The following KCNJ1 variants were observed in gnomAD, a reference collection of about 807,000 sequenced individuals.
The protein encoded by KCNJ1 is ATP-sensitive inward rectifier potassium channel 1.
In KCNJ1, 24 loss-of-function variants were observed where a neutral mutation model predicts 21.9. The ratio of observed to expected loss-of-function variants is 1.10; its 90% CI spans 0.79 to 1.54. The LOEUF (loss-of-function observed/expected upper bound fraction) is 1.54. KCNJ1 is among the 40% of genes most tolerant of loss of function. The probability of loss-of-function intolerance (pLI) is 0.00; values close to 1 mark genes in which losing one functional copy is unlikely to be tolerated. For synonymous variants in KCNJ1, 152 were observed against 160.9 expected (o/e 0.94, Z 0.42); for missense variants, 457 against 455.4 (o/e 1.00, Z -0.03).
chr11:128,847,116 C>A (rs1413082288), intron 2 of KCNJ1, among the ~76,000 whole-genome samples: 2 of 152,184 alleles, frequency 1.3e-5, no homozygotes, highest in African/African-American at 2.4e-5. Context: ...ATAGAATCAT[C>A]ACTACTCCCT....
chr11:128,850,452 A>G (rs1275638693), intron 2 of KCNJ1, among the ~76,000 whole-genome samples: 2 of 152,238 alleles, frequency 1.3e-5, no homozygotes, highest in African/African-American at 2.4e-5. Context: ...CAGAGGCTCA[A>G]CAGGTATCTG....
At chr11:128,853,960 G>A (rs1383092943) in intron 1 of KCNJ1, among the ~76,000 whole-genome samples, 2 of 152,248 alleles carry the variant, frequency 1.3e-5, no homozygotes, top group Admixed American at 1.3e-4. Flanking sequence ...TTCTCCCAGG[G>A]TCTGCAGGAG....
At chr11:128,862,376 T>C (rs910386407) in intron 1 of KCNJ1, among the ~76,000 whole-genome samples, 1 of 152,052 alleles carries the variant, frequency 6.6e-6, no homozygotes, top group Admixed American at 6.5e-5. Context: ...AGGAGACCCA[T>C]GTTGGAAAGG....
intron 2 of KCNJ1, among the ~76,000 whole-genome samples, chr11:128,841,664 T>A (rs913493828): frequency 2.0e-5 from 3 of 152,214 alleles, no homozygotes; most frequent in Non-Finnish European, 4.4e-5. Flanking sequence ...CGAAACCAAC[T>A]GAGTGATACA....
At chr11:128,866,501 A>G (rs1321005486) in intron 1 of KCNJ1, 2 of 940,772 alleles carry the variant, frequency 2.1e-6, no homozygotes, top group African/African-American at 3.6e-5. Flanking sequence ...AGATACAGAT[A>G]TTGGGAGAAG....
intron 1 of KCNJ1, among the ~76,000 whole-genome samples, chr11:128,855,328 C>A (rs1330387193): frequency 6.6e-6 from 1 of 152,064 alleles, no homozygotes; most frequent in Non-Finnish European, 1.5e-5. Flanking sequence ...CCCACCTTGC[C>A]AAGGTCCCCT....
At position 128,864,506 on chromosome 11, in the gene KCNJ1, G is replaced by A. The variant is rs370307823; in HGVS notation, c.-192+2667C>T. Among the ~76,000 whole-genome samples, 38 of 152,220 alleles carry A rather than the reference G, an allele frequency of 2.5e-4. No individual in the cohort carries two copies. The South Asian group carries it at 6.9e-3, about 27-fold the overall frequency. On this transcript the variant is annotated intron_variant, in intron 1 of 2. Transcript: ENST00000392666. ...ATTTCTGCACACCCTGCTTGTTCAT[G>A]ATGATTTCTGAACCACATAATCGAG...
chr11:128,859,341 A>ACCTCCCATCTCATGGGAT (rs1943654240), intron 1 of KCNJ1, among the ~76,000 whole-genome samples: 1 of 152,016 alleles, frequency 6.6e-6, no homozygotes, highest in South Asian at 2.1e-4. Context: ...TGCAGCCTCT[A>ACCTCCCATCTCATGGGAT]CCTCCCATCT....
intron 1 of KCNJ1, among the ~76,000 whole-genome samples, chr11:128,859,161 G>A (rs989147171): frequency 5.9e-5 from 9 of 152,208 alleles, no homozygotes; most frequent in African/African-American, 1.7e-4. Context: ...ATCTCACAGC[G>A]ACCCCATGAA....
At chr11:128,863,557 G>A (rs1165029515) in intron 1 of KCNJ1, among the ~76,000 whole-genome samples, 1 of 152,184 alleles carries the variant, frequency 6.6e-6, no homozygotes, top group Non-Finnish European at 1.5e-5. Flanking sequence ...ACAGTGCTGG[G>A]AAAATTCAGA....
Position 128,852,250 on chromosome 11 carries a change from C to A in KCNJ1, c.-191-1360G>T, listed in dbSNP as rs112487508. On this transcript the variant is annotated intron_variant, in intron 1 of 2. Transcript: ENST00000392666. The stretch of plus-strand genomic sequence containing the variant: ...CTCCAGTTTCTCCTTCAAGCTCCTG[C>A]CATGCATTGAATGAAAGGAGGCAAT... Among the ~76,000 whole-genome samples the A allele has an allele frequency of 9.0e-3, 1,372 of 152,278 alleles. 24 individuals carry two copies. The highest frequency in any genetic ancestry group is 0.027 in the African/African-American group (1,111 of 41,540).
At chr11:128,848,897 G>T (rs760505470) in intron 2 of KCNJ1, among the ~76,000 whole-genome samples, 1 of 152,210 alleles carries the variant, frequency 6.6e-6, no homozygotes, top group Non-Finnish European at 1.5e-5. Flanking sequence ...AAAGGCTGGG[G>T]CTGATAACAG....
At chr11:128,857,107 G>A (rs1315379482) in intron 1 of KCNJ1, among the ~76,000 whole-genome samples, 3 of 152,096 alleles carry the variant, frequency 2.0e-5, no homozygotes, top group African/African-American at 7.2e-5. Context: ...GCTCTGCAAT[G>A]TGCGGCGCAG....
At chr11:128,840,758 C>T (rs1215627159) in intron 2 of KCNJ1, among the ~76,000 whole-genome samples, 2 of 152,074 alleles carry the variant, frequency 1.3e-5, no homozygotes, top group African/African-American at 4.8e-5. Context: ...AATATACTAC[C>T]TAAATCATCT....
Position 128,842,641 on chromosome 11 carries a change from C to T in KCNJ1, c.-21-2377G>A, listed in dbSNP as rs569891184. On this transcript the variant is annotated intron_variant, in intron 2 of 2. Coordinates refer to ENST00000392666, the MANE Select transcript of KCNJ1 (RefSeq NM_153766.3). ...CTGAATAGGTATTTTTTCTTTCCAA[C>T]ATCACATGGCTTGAATACCAACATG... 41 of 861,596 alleles carry T rather than the reference C, an allele frequency of 4.8e-5. 2 individuals carry two copies. The South Asian group carries it at 6.0e-4, about 13-fold the overall frequency. 53.4% of individuals were successfully genotyped at this position (861,596 alleles called of 1,614,324 possible). A position where few individuals can be genotyped will look rare whatever the true frequency, so the allele number is the denominator to read the frequency against.
intron 2 of KCNJ1, among the ~76,000 whole-genome samples, chr11:128,849,753 G>A (rs999806802): frequency 6.6e-6 from 1 of 152,198 alleles, no homozygotes; most frequent in African/African-American, 2.4e-5. Flanking sequence ...TAAGCAAACG[G>A]CCTGAGGTTG....
Position 128,839,289 on chromosome 11 carries a change from G to A in KCNJ1, c.955C>T (p.Arg319Ter), listed in dbSNP as rs377205432. 1.1e-4 allele frequency: 181 copies of A among 1,614,046 alleles called. No individual in the cohort carries two copies. Among genetic ancestry groups the A allele is most frequent in the Non-Finnish European group, 1.3e-4 (153 of 1,179,990 alleles). ...IVSKTKEGKY[R>*]VDFHNFSKTV... ...TTGCTAAAGTTATGGAAATCCACTC[G>A]GTATTTCCCTTCCTTTGTCTTGGAT... Residue 319 changes from arginine (R) to a stop codon, truncating the protein, a stop_gained, in exon 3 of 3, where the codon CGA becomes TGA. Transcript: ENST00000392666. LOFTEE classifies it high-confidence loss of function.
rs776549093 is a variant in KCNJ1, at chr11:128,839,509, G to A, written c.735C>T (p.Ser245=). The A allele has an allele frequency of 6.2e-7, 1 of 1,614,148 alleles. No individual in the cohort carries two copies. Among genetic ancestry groups the A allele is most frequent in the South Asian group, 1.1e-5 (1 of 91,078 alleles). ...DAGNENLFFI[S]PLTIYHVIDH... ...CAATGACATGGTAAATTGTCAATGGGGAGATGAAGAATAAATTTTCATTCC... is the reference window on the plus strand; with the variant it reads ...CAATGACATGGTAAATTGTCAATGGAGAGATGAAGAATAAATTTTCATTCC... The change falls in exon 3 of 3, where the codon TCC becomes TCT. Residue 245 remains serine, a synonymous_variant. Coordinates refer to ENST00000392666, the MANE Select transcript of KCNJ1 (RefSeq NM_153766.3).
chr11:128,856,410 G>T (rs1351777660), intron 1 of KCNJ1, among the ~76,000 whole-genome samples: 3 of 152,214 alleles, frequency 2.0e-5, no homozygotes, highest in Admixed American at 1.3e-4. Flanking sequence ...AGGGTTGCAG[G>T]TACCATGGCC....
Sources: allele counts gnomAD v4.1 joint callset (sites outside exome capture counted in the v4.1 genomes callset), GRCh38; gene constraint gnomAD v4.1.1; transcripts MANE v1.5; gene names NCBI Gene and HGNC (gene_info 2026-07-23, HGNC 2026-07-21).